Variants in CAST observed in about 807,000 individuals in gnomAD.
CAST encodes MIR583 host.
A neutral mutation model predicts 119.6 loss-of-function variants in CAST; 76 were observed. The observed-to-expected ratio is 0.64, with a 90% confidence interval of 0.53 to 0.77. The LOEUF (loss-of-function observed/expected upper bound fraction) is 0.77, where lower values mean the gene tolerates loss of function less well. Among genes scored for constraint, CAST ranks in the 30% least tolerant of loss-of-function variants. CAST has a pLI of 0.00. For missense variants in CAST, 953 were observed against 946.5 expected (o/e 1.01, Z -0.09); for synonymous variants, 319 against 331.6 (o/e 0.96, Z 0.41).
intron 2 of CAST, among the ~76,000 whole-genome samples, chr5:96,676,685 C>G (rs1487714160): frequency 6.6e-6 from 1 of 151,678 alleles, no homozygotes; most frequent in African/African-American, 2.4e-5. Context: ...CATCCTGTTT[C>G]CTGATTAAAT....
chr5:96,687,388 T>C (rs1376903356), intron 2 of CAST, among the ~76,000 whole-genome samples: 1 of 152,246 alleles, frequency 6.6e-6, no homozygotes, highest in Non-Finnish European at 1.5e-5. Flanking sequence ...ACTGAGACAC[T>C]TCACATGTTA....
the CAST span, among the ~76,000 whole-genome samples, chr5:96,261,404 T>C: frequency 6.6e-6 from 1 of 152,278 alleles, no homozygotes; most frequent in Admixed American, 6.5e-5. Flanking sequence ...TGGGACAAGA[T>C]GATGGATCCC....
At chr5:96,240,313 CTGAG>C in the CAST span, among the ~76,000 whole-genome samples, 3,757 of 152,240 alleles carry the variant, frequency 0.025, 163 homozygotes, top group African/African-American at 0.086. Flanking sequence ...CTCCCACAGA[CTGAG>C]AGGAGGAAGA....
At chr5:96,558,890 C>T (rs555295380) in intron 1 of CAST, among the ~76,000 whole-genome samples, 1 of 151,940 alleles carries the variant, frequency 6.6e-6, no homozygotes, top group Non-Finnish European at 1.5e-5. Context: ...CAAAGCCTGG[C>T]AGAGACACAA....
At chr5:96,269,532 A>G in the CAST span, among the ~76,000 whole-genome samples, 2 of 152,222 alleles carry the variant, frequency 1.3e-5, no homozygotes, top group Non-Finnish European at 2.9e-5. Context: ...AGCACATGGA[A>G]CATGAAAGAC....
chr5:96,728,338 C>A (rs1024477970), intron 6 of CAST: 8 of 152,180 alleles, frequency 5.3e-5, no homozygotes, highest in Admixed American at 1.3e-4. Context: ...GTGAAGAATT[C>A]AGCAGCTAAG....
intron 1 of CAST, among the ~76,000 whole-genome samples, chr5:96,665,507 C>T (rs939335513): frequency 2.0e-5 from 3 of 152,088 alleles, no homozygotes; most frequent in East Asian, 1.9e-4. Flanking sequence ...GACAGTATAG[C>T]GCTAGACCAT....
At chr5:96,536,469 A>G (rs530375186) in intron 1 of CAST, among the ~76,000 whole-genome samples, 22 of 152,356 alleles carry the variant, frequency 1.4e-4, no homozygotes, top group Middle Eastern at 3.4e-3. Flanking sequence ...CATGGAGATC[A>G]ATGATGTCTT....
the CAST span, among the ~76,000 whole-genome samples, chr5:96,124,932 A>T: frequency 1.3e-5 from 2 of 152,108 alleles, no homozygotes; most frequent in African/African-American, 2.4e-5. Flanking sequence ...TTGATATTTG[A>T]ATAGGACAGC....
chr5:96,243,178 G>GT, the CAST span, among the ~76,000 whole-genome samples: 1,963 of 130,540 alleles, frequency 0.015, 34 homozygotes, highest in African/African-American at 0.037. Context: ...AGCAGCAACT[G>GT]TTTTTTTTTT....
chr5:96,671,387 C>G (rs1427116766), intron 1 of CAST, among the ~76,000 whole-genome samples: 1 of 152,046 alleles, frequency 6.6e-6, no homozygotes, highest in Non-Finnish European at 1.5e-5. Flanking sequence ...TTTTTCGTGC[C>G]TTTTGTTTTG....
chr5:96,318,399 G>A, the CAST span: 1 of 152,214 alleles, frequency 6.6e-6, no homozygotes, highest in Non-Finnish European at 1.5e-5. Flanking sequence ...ACATTTCAGA[G>A]ATAATGGTGA....
the CAST span, among the ~76,000 whole-genome samples, chr5:96,270,264 GAC>G: frequency 6.6e-6 from 1 of 152,050 alleles, no homozygotes; most frequent in South Asian, 2.1e-4. Flanking sequence ...GGTCATATAT[GAC>G]AAACTCACAG....
chr5:96,305,214 T>G, the CAST span, among the ~76,000 whole-genome samples: 1 of 152,226 alleles, frequency 6.6e-6, no homozygotes, highest in Non-Finnish European at 1.5e-5. Flanking sequence ...TTGTAGCAAC[T>G]GTGAATGGGA....
At chr5:96,658,888 T>A (rs1345029042), upstream of CAST, among the ~76,000 whole-genome samples, 1 of 152,066 alleles carries the variant, frequency 6.6e-6, no homozygotes, top group African/African-American at 2.4e-5. Context: ...AAAACTCTTA[T>A]GCTTTACCCA....
chr5:96,073,954 C>T, the CAST span, among the ~76,000 whole-genome samples: 1 of 152,182 alleles, frequency 6.6e-6, no homozygotes, highest in African/African-American at 2.4e-5. Flanking sequence ...CATCCTCCCA[C>T]CCCTGCCCCC....
the CAST span, chr5:95,973,379 G>A: frequency 8.4e-4 from 128 of 152,932 alleles, 1 homozygote; most frequent in African/African-American, 2.4e-3. Context: ...TAGTTCCATC[G>A]TGTATTCATC....
At chr5:96,148,732 G>A in the CAST span, among the ~76,000 whole-genome samples, 1 of 152,200 alleles carries the variant, frequency 6.6e-6, no homozygotes, top group African/African-American at 2.4e-5. Context: ...TATAAAAACT[G>A]GAAACTATTA....
the CAST span, chr5:95,961,653 C>T: frequency 1.2e-6 from 2 of 1,610,470 alleles, no homozygotes; most frequent in East Asian, 4.5e-5. Flanking sequence ...TGTTGTCCTG[C>T]CCCAGCCGTC....
Sources: gnomAD v4.1 joint callset for allele counts (sites outside exome capture counted in the v4.1 genomes callset) on GRCh38, gnomAD v4.1.1 for gene constraint, MANE v1.5 for transcripts, NCBI Gene and HGNC (gene_info 2026-07-23, HGNC 2026-07-21) for gene names.